ARID1B: variants seen among roughly 807,000 people sequenced by gnomAD.
ARID1B encodes the protein AT-rich interactive domain-containing protein 1B.
ARID1B carries 30 observed loss-of-function variants against 212.3 expected under a neutral mutation model. That is an observed-to-expected ratio of 0.14 (90% CI 0.11 to 0.19). ARID1B has a LOEUF of 0.19. Ranked by LOEUF, ARID1B falls within the 10% of genes least tolerant of loss-of-function variation. The probability of loss-of-function intolerance (pLI) is 1.00; values close to 1 mark genes in which losing one functional copy is unlikely to be tolerated. For synonymous variants in ARID1B, 1,402 were observed against 1,301.7 expected, an observed-to-expected ratio of 1.08 and a Z score of -1.66; for missense variants, 2,891 against 3,204.0, an observed-to-expected ratio of 0.90 and a Z score of 2.36.
At chr6:156,796,278 C>G (rs1780371152) in intron 1 of ARID1B, among the ~76,000 whole-genome samples, 1 of 152,040 alleles carries the variant, frequency 6.6e-6, no homozygotes, top group Non-Finnish European at 1.5e-5. Context: ...CTGACTGTGC[C>G]TAACCCATCT....
intron 7 of ARID1B, among the ~76,000 whole-genome samples, chr6:157,138,749 T>C (rs73021539): frequency 0.043 from 6,537 of 152,344 alleles, 207 homozygotes; most frequent in Non-Finnish European, 0.068. Context: ...GTTGATGCAC[T>C]TGATAAGGCC....
At chr6:156,931,747 G>A (rs1052131802) in intron 3 of ARID1B, among the ~76,000 whole-genome samples, 3 of 152,066 alleles carry the variant, frequency 2.0e-5, no homozygotes, top group Non-Finnish European at 4.4e-5. Context: ...CTGATCACTT[G>A]AGGTTGGGAG....
chr6:156,855,049 A>G (rs534540721), intron 2 of ARID1B, among the ~76,000 whole-genome samples: 1 of 152,286 alleles, frequency 6.6e-6, no homozygotes, highest in East Asian at 1.9e-4. Context: ...TGCTTATCAT[A>G]TATCATAGAA....
chr6:156,960,119 C>A (rs188876088), intron 4 of ARID1B, among the ~76,000 whole-genome samples: 27 of 151,980 alleles, frequency 1.8e-4, no homozygotes, highest in African/African-American at 5.6e-4. Flanking sequence ...TTAGTAGAGA[C>A]GGGGTTTCAC....
At position 156,778,604 on chromosome 6, in the gene ARID1B, G is replaced by A. The variant is rs113758011; in HGVS notation, c.924G>A (p.Ala308=). ...VAVPGGGGGP[A]AVPEFNNYYG... is the part of the protein sequence containing the mutation. ...TGCCCGGGGGCGGCGGCGGCCCGGC[G>A]GCCGTCCCGGAGTTTAATAATTACT... Residue 308 remains alanine (A), a synonymous_variant, in exon 1 of 20, where the codon GCG becomes GCA. Coordinates refer to ENST00000636930, the MANE Select transcript of ARID1B (RefSeq NM_001374828.1). 4 of 1,281,974 alleles carry A rather than the reference G, an allele frequency of 3.1e-6. No individual in the cohort carries two copies. The highest frequency in any genetic ancestry group is 1.6e-5 in the African/African-American group (1 of 61,900). 79.4% of individuals were successfully genotyped at this position (1,281,974 alleles called of 1,614,324 possible). A position where few individuals can be genotyped will look rare whatever the true frequency, so the allele number is the denominator to read the frequency against.
Position 157,206,024 on chromosome 6 carries a change from A to G in ARID1B, c.5395-143A>G, listed in dbSNP as rs2128390492. 1.1e-6 allele frequency: 1 copy of G among 934,742 alleles called. No individual in the cohort carries two copies. The highest frequency in any genetic ancestry group is 1.6e-6 in the Non-Finnish European group (1 of 617,092). The allele number at this position is 934,742 out of a possible 1,614,324, so 57.9% of individuals were successfully genotyped here. A position where few individuals can be genotyped will look rare whatever the true frequency, so the allele number is the denominator to read the frequency against. ...GGACCTGAAGGGTAGTTTATCTTTCATGGTCCAGCCAAAAAGGGAGACAAA... is the reference window on the plus strand; with the variant it reads ...GGACCTGAAGGGTAGTTTATCTTTCGTGGTCCAGCCAAAAAGGGAGACAAA... On this transcript the variant is annotated intron_variant, in intron 19 of 19. Coordinates refer to ENST00000636930, the MANE Select transcript of ARID1B (RefSeq NM_001374828.1). The surrounding 1 kb of genome is among the most constrained non-coding windows in gnomAD (Gnocchi z 6.8).
At chr6:156,781,975 C>CT (rs57443841) in intron 1 of ARID1B, among the ~76,000 whole-genome samples, 2,143 of 39,110 alleles carry the variant, frequency 0.055, 706 homozygotes, top group Admixed American at 0.082. Context: ...TGGGAATAGG[C>CT]TTTTTTTTTT....
At chr6:156,946,368 T>C (rs907832833) in intron 4 of ARID1B, among the ~76,000 whole-genome samples, 3 of 143,504 alleles carry the variant, frequency 2.1e-5, no homozygotes, top group African/African-American at 5.0e-5. Flanking sequence ...TGAGACTCCA[T>C]CTCAAAAAAT....
rs1381434956 is a variant in ARID1B at position 157,207,644 on chromosome 6, C to A, written c.6872C>A (p.Thr2291Lys). 4 of 1,614,064 alleles carry A rather than the reference C, an allele frequency of 2.5e-6. No homozygotes were observed. The East Asian group carries it at 8.9e-5, about 36-fold the overall frequency. Residue 2291 changes from threonine (T) to lysine (K), a missense_variant, in exon 20 of 20, where the codon ACG (threonine) becomes AAG (lysine). Coordinates refer to ENST00000636930, the MANE Select transcript of ARID1B (RefSeq NM_001374828.1). This position sits in a 1 kb window ranked among gnomAD's most constrained non-coding sequence, Gnocchi z 8.5. ...NLISFLEDGVTMAQYQQSQHN... is the reference protein window; with the variant it reads ...NLISFLEDGVKMAQYQQSQHN... ...ATAAGCTTCCTAGAGGATGGGGTCA[C>A]GATGGCCCAGTACCAGCAGAGCCAG...
At chr6:157,195,263 T>G (rs1793638866) in intron 15 of ARID1B, 1 of 152,196 alleles carries the variant, frequency 6.6e-6, no homozygotes, top group Non-Finnish European at 1.5e-5. Context: ...GTGAGCTCTT[T>G]GAAGGCTCAG....
chr6:157,157,234 C>G (rs915740248), intron 8 of ARID1B, among the ~76,000 whole-genome samples: 1 of 152,198 alleles, frequency 6.6e-6, no homozygotes, highest in Non-Finnish European at 1.5e-5. Context: ...AGCTTCATGG[C>G]TCTGTTAACA....
chr6:157,050,982 TTGTTGGCTAGAGTCA>T (rs1782564655), intron 4 of ARID1B, among the ~76,000 whole-genome samples: 1 of 152,246 alleles, frequency 6.6e-6, no homozygotes. Flanking sequence ...TCTGCCAGGC[TTGTTGGCTAGAGTCA>T]TGGACAAGAG....
At chr6:156,948,560 A>G (rs1482851033) in intron 4 of ARID1B, among the ~76,000 whole-genome samples, 3 of 152,200 alleles carry the variant, frequency 2.0e-5, no homozygotes, top group Non-Finnish European at 4.4e-5. Flanking sequence ...TGCTGCATTT[A>G]TGCCTTTCTT....
chr6:157,026,795 T>TC (rs1175660937), intron 4 of ARID1B, among the ~76,000 whole-genome samples: 1 of 152,120 alleles, frequency 6.6e-6, no homozygotes, highest in East Asian at 1.9e-4. Flanking sequence ...GGATTACAGA[T>TC]GCGTGCCACT....
chr6:156,778,709 C>T lies in ARID1B; in HGVS notation c.1029C>T (p.Ser343=), dbSNP rs866680567. ...TTGATCAACATGGCGGACAACAAAGCCCCGGGATGGGGATGATGCACTCCG... is the reference window on the plus strand; with the variant it reads ...TTGATCAACATGGCGGACAACAAAGTCCCGGGATGGGGATGATGCACTCCG... ...PCFDQHGGQQ[S]PGMGMMHSAS... is the part of the protein sequence containing the mutation. Residue 343 remains serine, a synonymous_variant, in exon 1 of 20, where the codon AGC becomes AGT. Coordinates refer to ENST00000636930, the MANE Select transcript of ARID1B (RefSeq NM_001374828.1). The T allele has an allele frequency of 1.3e-6, 2 of 1,521,372 alleles. No homozygotes were observed. The allele number at this position is 1,521,372 out of a possible 1,614,324, so 94.2% of individuals were successfully genotyped here.
At chr6:156,925,373 G>A (rs1276936744) in intron 3 of ARID1B, among the ~76,000 whole-genome samples, 1 of 152,048 alleles carries the variant, frequency 6.6e-6, no homozygotes, top group Non-Finnish European at 1.5e-5. Context: ...GTTGGGTATG[G>A]TGCCACACAC....
chr6:157,110,066 T>C (rs1199934300), intron 5 of ARID1B, among the ~76,000 whole-genome samples: 1 of 152,218 alleles, frequency 6.6e-6, no homozygotes, highest in Non-Finnish European at 1.5e-5. Context: ...ACTGTACTGA[T>C]TGGATATTAC....
intron 1 of ARID1B, among the ~76,000 whole-genome samples, chr6:156,808,751 CTTTA>C (rs1439123645): frequency 2.0e-5 from 3 of 152,218 alleles, no homozygotes; most frequent in Admixed American, 6.5e-5. Flanking sequence ...TGTGCACATT[CTTTA>C]TTTGTTCATT....
intron 1 of ARID1B, chr6:156,779,688 G>A (rs1276128213): frequency 4.5e-6 from 1 of 223,690 alleles, no homozygotes; most frequent in Non-Finnish European, 7.7e-6. Context: ...TCGCCGGGCC[G>A]GGCCGGGCCG....
Sources: gnomAD v4.1 joint callset for allele counts (sites outside exome capture counted in the v4.1 genomes callset) on GRCh38, gnomAD v4.1.1 for gene constraint, Gnocchi (gnomAD v3.1) non-coding constraint, MANE v1.5 for transcripts, NCBI Gene and HGNC (gene_info 2026-07-23, HGNC 2026-07-21) for gene names.